Variants in TBCK observed in about 807,000 individuals in gnomAD.
TBCK encodes the protein TBC1 domain containing kinase, also known as TBC domain-containing protein kinase-like protein.
In TBCK, 99 loss-of-function variants were observed where a neutral mutation model predicts 113.4. The ratio of observed to expected loss-of-function variants is 0.87; its 90% CI spans 0.74 to 1.03. The LOEUF (loss-of-function observed/expected upper bound fraction) is 1.03, where lower values mean the gene tolerates loss of function less well. Among genes scored for constraint, TBCK ranks in the 50% least tolerant of loss-of-function variants. The probability of loss-of-function intolerance (pLI) is 0.00; values close to 1 mark genes in which losing one functional copy is unlikely to be tolerated. For missense variants in TBCK, 1,045 were observed against 1,061.3 expected (o/e 0.98, Z 0.21); for synonymous variants, 369 against 370.8 (o/e 1.00, Z 0.05).
intron 12 of TBCK, 41 bp downstream of exon 12, chr4:106,242,429 G>T (rs1560892493): frequency 6.8e-7 from 1 of 1,480,934 alleles, no homozygotes; most frequent in Non-Finnish European, 9.2e-7. Flanking sequence ...TTTAATTAAA[G>T]AAAAAAACCT....
intron 25 of TBCK, among the ~76,000 whole-genome samples, chr4:106,050,978 C>T (rs941114968): frequency 6.6e-6 from 1 of 151,906 alleles, no homozygotes; most frequent in African/African-American, 2.4e-5. Flanking sequence ...CTTGCGGGTG[C>T]CACTCTATCT....
chr4:106,245,293 T>G (rs976338810), intron 10 of TBCK, among the ~76,000 whole-genome samples: 1 of 152,274 alleles, frequency 6.6e-6, no homozygotes, highest in African/African-American at 2.4e-5. Flanking sequence ...GCAGAGGAAA[T>G]GTAACCATTC....
intron 18 of TBCK, 36 bp downstream of exon 18, chr4:106,231,693 A>C: frequency 7.8e-4 from 1,081 of 1,388,210 alleles, no homozygotes; most frequent in Non-Finnish European, 1.0e-3. Flanking sequence ...TTAGAATATT[A>C]TGCGCAATGA....
chr4:106,183,532 C>A (rs1280710313), intron 22 of TBCK, among the ~76,000 whole-genome samples: 1 of 152,032 alleles, frequency 6.6e-6, no homozygotes, highest in Non-Finnish European at 1.5e-5. Context: ...TACAGAGCTA[C>A]ACTATGTCTT....
In TBCK at chr4:106,311,200, TACACACACACACACAC is replaced by T. The variant is rs36011277; in HGVS notation, c.-29-2227_-29-2212del. ...GCTATTATATTCCTACAGAAACTCC[TACACACACACACACAC>T]ACACACACACACACACACACACACA... On this transcript the variant is annotated intron_variant, in intron 1 of 25. Coordinates refer to ENST00000394708, the MANE Select transcript of TBCK (RefSeq NM_001163435.3). Among the ~76,000 whole-genome samples, 62 of 138,284 alleles carry T rather than the reference TACACACACACACACAC, an allele frequency of 4.5e-4. 1 individual carries two copies. The East Asian group carries it at 5.1e-3, about 11-fold the overall frequency. The allele number at this position is 138,284 out of a possible 152,430, so 90.7% of individuals were successfully genotyped here.
At position 106,230,791 on chromosome 4, in the gene TBCK, C is replaced by T. The variant is rs537565905; in HGVS notation, c.1691-345G>A. ...GTTATACGGACCTCACGATCCTTAA[C>T]TGCTGCTGATGCAAACAAGAGTCTA... is the stretch of plus-strand genomic sequence containing the variant. On this transcript the variant is annotated intron_variant, in intron 18 of 25. Transcript: ENST00000394708. 3.3e-5 allele frequency among the ~76,000 whole-genome samples: 5 copies of T among 151,924 alleles called. No homozygotes were observed. The East Asian group carries it at 9.7e-4, about 29-fold the overall frequency.
intron 19 of TBCK, among the ~76,000 whole-genome samples, chr4:106,215,880 C>G (rs553193320): frequency 6.6e-6 from 1 of 151,854 alleles, no homozygotes; most frequent in African/African-American, 2.4e-5. Flanking sequence ...TAGACATCTA[C>G]AGAACTCTCC....
Position 106,248,283 on chromosome 4 carries a change from A to C in TBCK, c.744T>G (p.Asp248Glu), listed in dbSNP as rs200179597. ...GGAAGGTAAGGCACTTATTCAAAAG[A>C]TCTATCACAGTTTCAGGAAGCTCCT... is the stretch of plus-strand genomic sequence containing the variant. ...IIKELPETVI[D>E]LLNKCLTFHP... is the part of the protein sequence containing the mutation. The change falls in exon 9 of 26, where the codon GAT (aspartate) becomes GAG (glutamate). Residue 248 changes from aspartate to glutamate, a missense_variant. By Grantham distance (45) the Asp-to-Glu change is conservative (BLOSUM62 2). Coordinates refer to ENST00000394708, the MANE Select transcript of TBCK (RefSeq NM_001163435.3). 9 of 1,594,768 alleles carry C rather than the reference A, an allele frequency of 5.6e-6. No homozygotes were observed. In the East Asian group the frequency reaches 2.0e-4, roughly 36 times the overall value.
At chr4:106,220,035 T>A (rs866149265) in intron 19 of TBCK, among the ~76,000 whole-genome samples, 1 of 152,214 alleles carries the variant, frequency 6.6e-6, no homozygotes, top group African/African-American at 2.4e-5. Flanking sequence ...TTATTGACAG[T>A]CCATCAGTAC....
intron 20 of TBCK, among the ~76,000 whole-genome samples, chr4:106,209,831 A>G (rs1181337458): frequency 2.0e-5 from 3 of 151,916 alleles, no homozygotes; most frequent in South Asian, 2.1e-4. Context: ...TTTATCTCTT[A>G]TAAGTACTAT....
chr4:106,168,883 A>AT (rs1750684461), intron 23 of TBCK, among the ~76,000 whole-genome samples: 1 of 151,988 alleles, frequency 6.6e-6, no homozygotes, highest in East Asian at 1.9e-4. Context: ...GAGACTCAAT[A>AT]AAGGTTGAAT....
chr4:106,214,292 ACT>A (rs1160516783), intron 19 of TBCK, among the ~76,000 whole-genome samples: 1 of 152,174 alleles, frequency 6.6e-6, no homozygotes, highest in East Asian at 1.9e-4. Flanking sequence ...AAAACTGGAA[ACT>A]CTAAAAATCA....
chr4:106,133,195 G>T (rs1746160183), intron 23 of TBCK, among the ~76,000 whole-genome samples: 1 of 152,148 alleles, frequency 6.6e-6, no homozygotes, highest in African/African-American at 2.4e-5. Context: ...AGTGTGAAGG[G>T]TGGGGTCAGG....
chr4:106,212,740 A>T lies in TBCK; in HGVS notation c.1860+10T>A. 6.3e-7 allele frequency: 1 copy of T among 1,578,002 alleles called. No homozygotes were observed. Among genetic ancestry groups the T allele is most frequent in the Non-Finnish European group, 8.7e-7 (1 of 1,151,476 alleles). On this transcript the variant is annotated intron_variant, in intron 20 of 25. Transcript: ENST00000394708. ...TAACCACATGTTCTATTAATGCACCAAGTACTTACATCTGGAATGAAACCA... is the reference window on the plus strand; with the variant it reads ...TAACCACATGTTCTATTAATGCACCTAGTACTTACATCTGGAATGAAACCA...
intron 25 of TBCK, among the ~76,000 whole-genome samples, chr4:106,058,968 C>T (rs745662170): frequency 1.2e-4 from 18 of 151,616 alleles, no homozygotes; most frequent in Non-Finnish European, 2.5e-4. Context: ...TAATTTTAGA[C>T]CTAGTTAACA....
chr4:106,253,634 T>C (rs1480551149), intron 5 of TBCK, among the ~76,000 whole-genome samples: 1 of 152,252 alleles, frequency 6.6e-6, no homozygotes, highest in South Asian at 2.1e-4. Context: ...GACTTTTTAA[T>C]GTTTAACAAT....
At chr4:106,285,190 A>AT (rs1432742168) in intron 3 of TBCK, among the ~76,000 whole-genome samples, 3 of 151,944 alleles carry the variant, frequency 2.0e-5, no homozygotes, top group Non-Finnish European at 4.4e-5. Context: ...AATGTTGAAT[A>AT]TTTTTTTTCC....
At chr4:106,174,447 T>C (rs1751394829) in intron 22 of TBCK, among the ~76,000 whole-genome samples, 2 of 152,110 alleles carry the variant, frequency 1.3e-5, no homozygotes, top group Admixed American at 6.6e-5. Context: ...AGCTCCAATG[T>C]CTGCTGCTGA....
intron 2 of TBCK, among the ~76,000 whole-genome samples, chr4:106,304,346 C>T (rs150531219): frequency 6.6e-6 from 1 of 152,262 alleles, no homozygotes; most frequent in African/African-American, 2.4e-5. Context: ...AAACCCATAA[C>T]AACAGACATA....
Sources: gnomAD v4.1 joint callset for allele counts (sites outside exome capture counted in the v4.1 genomes callset) on GRCh38, gnomAD v4.1.1 for gene constraint, MANE v1.5 for transcripts, NCBI Gene and HGNC (gene_info 2026-07-23, HGNC 2026-07-21) for gene names.